The following NRXN1 variants were observed in gnomAD, a reference collection of about 807,000 sequenced individuals.
NRXN1 encodes the protein neurexin-1.
NRXN1 carries 39 observed loss-of-function variants against 150.9 expected under a neutral mutation model. The observed-to-expected ratio is 0.26, with a 90% CI of 0.20 to 0.34. NRXN1 has a LOEUF of 0.34. NRXN1 is among the 10% of genes least tolerant of loss of function. The pLI is 1.00. For missense variants in NRXN1, 1,815 were observed against 1,949.9 expected, an observed-to-expected ratio of 0.93 and a Z score of 1.30; for synonymous variants, 924 against 757.0, an observed-to-expected ratio of 1.22 and a Z score of -3.62.
chr2:50,570,675 T>A (rs894596408), intron 8 of NRXN1, among the ~76,000 whole-genome samples: 1 of 152,112 alleles, frequency 6.6e-6, no homozygotes, highest in Non-Finnish European at 1.5e-5. Context: ...ATAAATTATA[T>A]TAAACCCATC....
At chr2:50,352,164 A>G (rs2078457756) in intron 17 of NRXN1, among the ~76,000 whole-genome samples, 1 of 152,154 alleles carries the variant, frequency 6.6e-6, no homozygotes, top group African/African-American at 2.4e-5. Context: ...CCTACGTTGA[A>G]CAACAGTTAA....
chr2:50,602,939 G>A (rs1236119615), intron 8 of NRXN1, among the ~76,000 whole-genome samples: 1 of 152,182 alleles, frequency 6.6e-6, no homozygotes, highest in African/African-American at 2.4e-5. Flanking sequence ...AGAAGACGCA[G>A]TCTGCCCCTG....
intron 5 of NRXN1, among the ~76,000 whole-genome samples, chr2:50,794,941 C>G (rs979994219): frequency 7.2e-5 from 11 of 152,090 alleles, no homozygotes; most frequent in African/African-American, 2.4e-4. Flanking sequence ...CATCAAATCA[C>G]TTTCATAAAT....
At chr2:49,969,882 G>A (rs1194972342) in intron 21 of NRXN1, 1 of 152,084 alleles carries the variant, frequency 6.6e-6, no homozygotes, top group African/African-American at 2.4e-5. Context: ...GTGAACTTAT[G>A]TAATCATGTT....
At chr2:50,881,375 A>G (rs1323478076) in intron 5 of NRXN1, among the ~76,000 whole-genome samples, 1 of 151,992 alleles carries the variant, frequency 6.6e-6, no homozygotes, top group East Asian at 1.9e-4. Context: ...CATGAAAAAT[A>G]GCATTGAATC....
intron 5 of NRXN1, chr2:50,631,442 CA>C (rs531641938): frequency 3.9e-4 from 68 of 173,420 alleles, no homozygotes; most frequent in Non-Finnish European, 7.1e-4. Context: ...TGAACAGTGT[CA>C]GGGCCCAACA....
intron 8 of NRXN1, among the ~76,000 whole-genome samples, chr2:50,559,466 G>C (rs186062699): frequency 6.6e-6 from 1 of 152,120 alleles, no homozygotes; most frequent in Non-Finnish European, 1.5e-5. Flanking sequence ...TGCAATTTTA[G>C]TCACTTCCCT....
chr2:50,534,460 T>C (rs2093201189), intron 10 of NRXN1, among the ~76,000 whole-genome samples: 1 of 152,056 alleles, frequency 6.6e-6, no homozygotes, highest in African/African-American at 2.4e-5. Context: ...GGGAGTAAAA[T>C]CCCAGTGGTC....
intron 5 of NRXN1, among the ~76,000 whole-genome samples, chr2:50,671,961 G>C (rs1424352565): frequency 1.3e-5 from 2 of 151,696 alleles, no homozygotes; most frequent in East Asian, 3.9e-4. Context: ...CATTTTATTT[G>C]ATCTTTATTA....
intron 5 of NRXN1, among the ~76,000 whole-genome samples, chr2:50,694,953 T>C (rs982201884): frequency 6.6e-6 from 1 of 152,168 alleles, no homozygotes; most frequent in African/African-American, 2.4e-5. Flanking sequence ...ACAGTTCCCT[T>C]ATCTCATAGC....
intron 5 of NRXN1, among the ~76,000 whole-genome samples, chr2:50,681,075 C>CATTAAAA (rs1403721688): frequency 2.0e-5 from 3 of 152,184 alleles, no homozygotes; most frequent in Non-Finnish European, 4.4e-5. Context: ...CATCTACCAA[C>CATTAAAA]AGCCAAGACA....
rs559135848 is a variant in NRXN1 at position 50,897,135 on chromosome 2, T to A, written c.832+24734A>T. ...ATGGCTAACAGCAACTGCTTTGGTG[T>A]TAAGCAGCTCTACTGTTTATCAGCT... On this transcript the variant is annotated intron_variant, in intron 5 of 22. Coordinates refer to ENST00000401669, the MANE Select transcript of NRXN1 (RefSeq NM_001330078.2). Among the ~76,000 whole-genome samples the A allele has an allele frequency of 7.2e-5, 11 of 152,324 alleles. No individual in the cohort carries two copies. In the East Asian group the frequency reaches 1.9e-3, roughly 27 times the overall value.
At chr2:50,569,321 T>C (rs1670316168) in intron 8 of NRXN1, among the ~76,000 whole-genome samples, 2 of 152,142 alleles carry the variant, frequency 1.3e-5, no homozygotes, top group Non-Finnish European at 2.9e-5. Flanking sequence ...CAGGAAAGGA[T>C]AAATGCTTGA....
At chr2:50,899,001 G>A (rs1313565955) in intron 5 of NRXN1, among the ~76,000 whole-genome samples, 4 of 152,012 alleles carry the variant, frequency 2.6e-5, no homozygotes. Flanking sequence ...CAAACAGAGA[G>A]TTAAGACTTC....
intron 2 of NRXN1, among the ~76,000 whole-genome samples, chr2:51,007,980 A>G (rs1055898476): frequency 6.6e-6 from 1 of 151,952 alleles, no homozygotes; most frequent in African/African-American, 2.4e-5. Flanking sequence ...ATAAACGAGA[A>G]GCACACAAAT....
intron 2 of NRXN1, among the ~76,000 whole-genome samples, chr2:50,961,890 T>C (rs1316527707): frequency 6.6e-6 from 1 of 151,650 alleles, no homozygotes; most frequent in Non-Finnish European, 1.5e-5. Flanking sequence ...ATACCATCTG[T>C]TATCTTAGAA....
At chr2:50,823,037 G>A (rs907297949) in intron 5 of NRXN1, among the ~76,000 whole-genome samples, 8 of 152,104 alleles carry the variant, frequency 5.3e-5, no homozygotes, top group African/African-American at 9.7e-5. Flanking sequence ...AACTATAGAC[G>A]TCAATAATCA....
At chr2:50,238,436 C>A (rs963765604) in intron 17 of NRXN1, among the ~76,000 whole-genome samples, 54 of 151,828 alleles carry the variant, frequency 3.6e-4, no homozygotes, top group African/African-American at 1.3e-3. Context: ...GACAGCAGAT[C>A]ATATATGATT....
At chr2:50,089,656 G>A (rs2152694749) in intron 19 of NRXN1, among the ~76,000 whole-genome samples, 1 of 152,042 alleles carries the variant, frequency 6.6e-6, no homozygotes, top group East Asian at 1.9e-4. Flanking sequence ...CAGGCATGGT[G>A]GTGTGCACCT....
Sources: gnomAD v4.1 joint callset for allele counts (sites outside exome capture counted in the v4.1 genomes callset) on GRCh38, gnomAD v4.1.1 for gene constraint, MANE v1.5 for transcripts, NCBI Gene and HGNC (gene_info 2026-07-23, HGNC 2026-07-21) for gene names.